NOVA1: variants seen among roughly 807,000 people sequenced by gnomAD.
NOVA1 encodes NOVA alternative splicing regulator 1.
In NOVA1, 7 loss-of-function variants were observed where a neutral mutation model predicts 38.0. The observed-to-expected ratio is 0.18, with a 90% CI of 0.10 to 0.35. The LOEUF (loss-of-function observed/expected upper bound fraction) is 0.35, where lower values mean the gene tolerates loss of function less well. Among genes scored for constraint, NOVA1 ranks in the 10% least tolerant of loss-of-function variants. The probability of loss-of-function intolerance (pLI) is 1.00; values close to 1 mark genes in which losing one functional copy is unlikely to be tolerated. For missense variants in NOVA1, 460 were observed against 616.0 expected (o/e 0.75, Z 2.68); for synonymous variants, 270 against 232.5 (o/e 1.16, Z -1.47).
chr14:26,461,109 C>A (rs1883626323), intron 4 of NOVA1, among the ~76,000 whole-genome samples: 1 of 152,092 alleles, frequency 6.6e-6, no homozygotes, highest in South Asian at 2.1e-4. Flanking sequence ...ACCACCTTTG[C>A]CTACCAAGTG....
At chr14:26,586,204 T>C (rs929954279) in intron 2 of NOVA1, among the ~76,000 whole-genome samples, 1 of 151,360 alleles carries the variant, frequency 6.6e-6, no homozygotes, top group Non-Finnish European at 1.5e-5. Context: ...AGGAAAAGTC[T>C]TCAAAATCAC....
Position 26,443,375 on chromosome 14 carries a change from AAAC to A in NOVA1, c.*4581_*4583del, listed in dbSNP as rs1881833524. 6.6e-6 allele frequency: 1 copy of A among 152,038 alleles called. No individual in the cohort carries two copies. Among genetic ancestry groups the A allele is most frequent in the Admixed American group, 6.6e-5 (1 of 15,262 alleles). The allele number at this position is 152,038 out of a possible 1,614,324, so 9.4% of individuals were successfully genotyped here. On this transcript the variant is annotated 3_prime_UTR_variant, in exon 5 of 5. Transcript: ENST00000539517. The stretch of plus-strand genomic sequence containing the variant: ...TCAAAATATTGAATACTTTAGAATT[AAAC>A]AATATTTTATTTACAAATCTGATTT...
At chr14:26,561,504 T>G (rs1459392328) in intron 2 of NOVA1, among the ~76,000 whole-genome samples, 1 of 152,198 alleles carries the variant, frequency 6.6e-6, no homozygotes, top group Non-Finnish European at 1.5e-5. Flanking sequence ...TGCTTCACTG[T>G]GCTGACAGCA....
chr14:26,515,544 C>T (rs1031617248), intron 2 of NOVA1, among the ~76,000 whole-genome samples: 3 of 151,960 alleles, frequency 2.0e-5, no homozygotes, highest in Non-Finnish European at 4.4e-5. Flanking sequence ...AAAGACCAGA[C>T]TCAAAGATTA....
chr14:26,554,071 C>T (rs1224460575), intron 2 of NOVA1, among the ~76,000 whole-genome samples: 1 of 150,954 alleles, frequency 6.6e-6, no homozygotes, highest in Non-Finnish European at 1.5e-5. Context: ...ATTACTTCAA[C>T]CTGGGAGGCA....
At chr14:26,529,812 T>G (rs1008148922) in intron 2 of NOVA1, among the ~76,000 whole-genome samples, 1 of 152,206 alleles carries the variant, frequency 6.6e-6, no homozygotes, top group African/African-American at 2.4e-5. Flanking sequence ...ACTTCAGTCA[T>G]GCAGCCTTTT....
chr14:26,544,207 C>T (rs1307610027), intron 2 of NOVA1, among the ~76,000 whole-genome samples: 3 of 151,772 alleles, frequency 2.0e-5, no homozygotes, highest in Non-Finnish European at 2.9e-5. Flanking sequence ...CAAGGTAACT[C>T]CAAAACAAAG....
intron 2 of NOVA1, among the ~76,000 whole-genome samples, chr14:26,556,545 C>G (rs1357702792): frequency 6.6e-6 from 1 of 152,150 alleles, no homozygotes; most frequent in African/African-American, 2.4e-5. Flanking sequence ...TAAAACTCTA[C>G]AACTCCTAGA....
chr14:26,507,226 G>T (rs370234103), intron 2 of NOVA1, among the ~76,000 whole-genome samples: 16 of 151,998 alleles, frequency 1.1e-4, no homozygotes, highest in African/African-American at 3.1e-4. Context: ...CTACTTAATT[G>T]GGATGATTGC....
chr14:26,578,957 A>G (rs1293505621), intron 2 of NOVA1, among the ~76,000 whole-genome samples: 1 of 151,916 alleles, frequency 6.6e-6, no homozygotes, highest in Non-Finnish European at 1.5e-5. Flanking sequence ...ATCCATTACC[A>G]TAAAGATGAA....
At chr14:26,512,642 A>G (rs950504552) in intron 2 of NOVA1, among the ~76,000 whole-genome samples, 3 of 152,170 alleles carry the variant, frequency 2.0e-5, no homozygotes, top group African/African-American at 7.2e-5. Flanking sequence ...TTTAGATATT[A>G]TAAATAGTTG....
At chr14:26,495,751 G>A (rs1251683206) in intron 2 of NOVA1, among the ~76,000 whole-genome samples, 4 of 147,026 alleles carry the variant, frequency 2.7e-5, no homozygotes, top group African/African-American at 9.9e-5. Flanking sequence ...GCGGTGTTTG[G>A]TTTTTTGTTC....
At chr14:26,577,877 T>A (rs1242667744) in intron 2 of NOVA1, among the ~76,000 whole-genome samples, 2 of 151,510 alleles carry the variant, frequency 1.3e-5, no homozygotes, top group African/African-American at 4.9e-5. Context: ...AGATGAAAGG[T>A]CCACAATGGA....
intron 1 of NOVA1, chr14:26,596,508 T>C (rs1243927242): frequency 3.2e-6 from 4 of 1,263,044 alleles, no homozygotes; most frequent in Non-Finnish European, 4.1e-6. Flanking sequence ...ATGTTCCAAA[T>C]GTTGTGGTGT....
At chr14:26,533,746 G>A (rs1020878189) in intron 2 of NOVA1, among the ~76,000 whole-genome samples, 1 of 152,118 alleles carries the variant, frequency 6.6e-6, no homozygotes, top group Non-Finnish European at 1.5e-5. Flanking sequence ...CTGAGATTAA[G>A]AATCCTAGGA....
chr14:26,477,572 A>C (rs575830140), intron 3 of NOVA1, among the ~76,000 whole-genome samples: 1 of 152,270 alleles, frequency 6.6e-6, no homozygotes, highest in African/African-American at 2.4e-5. Flanking sequence ...TACCTGGTTC[A>C]TTCAATTTAC....
intron 2 of NOVA1, among the ~76,000 whole-genome samples, chr14:26,528,059 C>T (rs1889429216): frequency 6.6e-6 from 1 of 152,106 alleles, no homozygotes. Context: ...TTCAGCTAAA[C>T]AGAATGTTTA....
intron 2 of NOVA1, among the ~76,000 whole-genome samples, chr14:26,489,978 TCA>T (rs1357520149): frequency 6.6e-6 from 1 of 152,272 alleles, no homozygotes; most frequent in Non-Finnish European, 1.5e-5. Context: ...TTTTTCATTA[TCA>T]CAAACTGTAA....
chr14:26,489,684 A>G lies in NOVA1; in HGVS notation c.281-9541T>C, dbSNP rs2057357. Among the ~76,000 whole-genome samples, 1,141 of 152,090 alleles carry G rather than the reference A, an allele frequency of 7.5e-3. 9 individuals carry two copies. Among genetic ancestry groups the G allele is most frequent in the African/African-American group, 0.027 (1,102 of 41,498 alleles). ...TGAGAACTCCATCTCTACTAAAAAAATTTTGTTATTTTTTAGTGGTGCACG... is the reference window on the plus strand; with the variant it reads ...TGAGAACTCCATCTCTACTAAAAAAGTTTTGTTATTTTTTAGTGGTGCACG... On this transcript the variant is annotated intron_variant, in intron 2 of 4. Transcript: ENST00000539517.
Sources: allele counts gnomAD v4.1 joint callset (sites outside exome capture counted in the v4.1 genomes callset), GRCh38; gene constraint gnomAD v4.1.1; transcripts MANE v1.5; gene names NCBI Gene and HGNC (gene_info 2026-07-23, HGNC 2026-07-21).